RBM48: variants seen among roughly 807,000 people sequenced by gnomAD.
RBM48 encodes the protein RNA binding motif protein 48, also known as RNA-binding protein 48.
Under a neutral mutation model 34.8 loss-of-function variants are expected in RBM48, and 32 were observed. That is an observed-to-expected ratio of 0.92 (90% CI 0.69 to 1.23). The LOEUF (loss-of-function observed/expected upper bound fraction) is 1.23, where lower values mean the gene tolerates loss of function less well. Ranked by LOEUF, RBM48 falls within the 50% of genes most tolerant of loss-of-function variation. RBM48 has a pLI of 0.00. For synonymous variants in RBM48, 151 were observed against 156.2 expected (o/e 0.97, Z 0.25); for missense variants, 441 against 447.2 (o/e 0.99, Z 0.12).
chr7:92,535,625 C>A (rs1174814415), intron 4 of RBM48: 5 of 984,974 alleles, frequency 5.1e-6, no homozygotes, highest in Non-Finnish European at 6.0e-6. Context: ...ACTACTGTTA[C>A]AAATCATAAA....
intron 2 of RBM48, among the ~76,000 whole-genome samples, 178 bp downstream of exon 2, chr7:92,529,844 C>G (rs553423606): frequency 6.6e-6 from 1 of 152,118 alleles, no homozygotes; most frequent in Non-Finnish European, 1.5e-5. Context: ...TCACATCATT[C>G]CCATGCTTAA....
chr7:92,533,987 A>C (rs1472690399), intron 3 of RBM48, among the ~76,000 whole-genome samples: 5 of 150,732 alleles, frequency 3.3e-5, no homozygotes, highest in African/African-American at 7.2e-5. Context: ...AAAAAAAAAA[A>C]AACCTTTCTA....
chr7:92,529,534 G>C lies in RBM48; in HGVS notation c.170G>C (p.Gly57Ala). 1 of 1,611,332 alleles carries C rather than the reference G, an allele frequency of 6.2e-7. No individual in the cohort carries two copies. The highest frequency in any genetic ancestry group is 1.1e-5 in the South Asian group (1 of 90,938). The change falls in exon 2 of 5, where the codon GGA becomes GCA. Residue 57 changes from glycine to alanine, a missense_variant. Physicochemically the swap from Gly to Ala is moderately conservative, Grantham distance 60. Coordinates refer to ENST00000265732, the MANE Select transcript of RBM48 (RefSeq NM_032120.4). ...TTAATACAAGGAGTTCCTGCTGTGG[G>C]AGTCATGAAGGAATTAGTTGAGCGA... ...YLLIQGVPAV[G>A]VMKELVERFA...
chr7:92,535,702 T>G, intron 4 of RBM48: 1 of 984,786 alleles, frequency 1.0e-6, no homozygotes, highest in Non-Finnish European at 1.2e-6. Flanking sequence ...ATAGTTTTAC[T>G]CATATTTTAC....
In RBM48 at chr7:92,536,936, A is replaced by G; in HGVS notation, c.1103A>G (p.Ter368TrpextTer34). 6.3e-7 allele frequency: 1 copy of G among 1,591,644 alleles called. No homozygotes were observed. Among genetic ancestry groups the G allele is most frequent in the Non-Finnish European group, 8.6e-7 (1 of 1,169,578 alleles). ...SHPLKQRRRI[*>W] Reference sequence around the variant, plus strand: ...CCATTAAAACAAAGAAGAAGAATATAGAGTGCCAGCAGCAACTTAGTATTT... The same window carrying G: ...CCATTAAAACAAAGAAGAAGAATATGGAGTGCCAGCAGCAACTTAGTATTT... The change falls in exon 5 of 5, where the codon TAG becomes TGG. Residue 368 changes from the stop codon to tryptophan (W), a stop_lost. Transcript: ENST00000265732.
chr7:92,536,562 T>C lies in RBM48; in HGVS notation c.1018-289T>C, dbSNP rs1793716780. 3 of 1,032,080 alleles carry C rather than the reference T, an allele frequency of 2.9e-6. No individual in the cohort carries two copies. In the African/African-American group the frequency reaches 5.1e-5, roughly 17 times the overall value. The allele number at this position is 1,032,080 out of a possible 1,614,324, so 63.9% of individuals were successfully genotyped here. ...CTATCTGAATCCGTAATATAACAAG[T>C]GTCTTTAGATCTATAAAGGAATGTT... On this transcript the variant is annotated intron_variant, in intron 4 of 4. Transcript: ENST00000265732.
intron 3 of RBM48, among the ~76,000 whole-genome samples, chr7:92,533,280 G>C (rs1362600981): frequency 1.3e-5 from 2 of 152,200 alleles, no homozygotes; most frequent in African/African-American, 4.8e-5. Context: ...AAACTTGTAT[G>C]TTTGTGTGGC....
In RBM48 at chr7:92,537,012, A is replaced by G. The variant is rs1793733244; in HGVS notation, c.*75A>G. ...TTTTAGCCTGTCATTTTAATTCTTC[A>G]AGAGATTTTACTGCTGGTATTTTTT... On this transcript the variant is annotated 3_prime_UTR_variant, in exon 5 of 5. Coordinates refer to ENST00000265732, the MANE Select transcript of RBM48 (RefSeq NM_032120.4). The G allele has an allele frequency of 9.1e-7, 1 of 1,103,804 alleles. No homozygotes were observed. Among genetic ancestry groups the G allele is most frequent in the South Asian group, 1.6e-5 (1 of 63,786 alleles). The allele number at this position is 1,103,804 out of a possible 1,614,324, so 68.4% of individuals were successfully genotyped here. A position where few individuals can be genotyped will look rare whatever the true frequency, so the allele number is the denominator to read the frequency against.
Position 92,536,794 on chromosome 7 carries a change from A to T in RBM48, c.1018-57A>T. 5.3e-6 allele frequency: 8 copies of T among 1,510,710 alleles called. No homozygotes were observed. The South Asian group carries it at 7.9e-5, about 15-fold the overall frequency. The allele number at this position is 1,510,710 out of a possible 1,614,324, so 93.6% of individuals were successfully genotyped here. ...GTAGTCTTACCTCTTCTAATAGCTT[A>T]TTTACTCCTGTGCTATAGAAACTAA... On this transcript the variant is annotated intron_variant, in intron 4 of 4. Transcript: ENST00000265732.
At chr7:92,534,194 G>GAAA in intron 3 of RBM48, 2 of 662,726 alleles carry the variant, frequency 3.0e-6, no homozygotes, top group Non-Finnish European at 2.5e-6. Context: ...GGAGAGCAAG[G>GAAA]AAAGGGTGAC....
chr7:92,535,501 A>G, intron 4 of RBM48: 1 of 986,894 alleles, frequency 1.0e-6, no homozygotes, highest in Non-Finnish European at 1.2e-6. Context: ...TGTGCTGCCT[A>G]GGTAGTCTGT....
intron 3 of RBM48, 172 bp from the exon 4 acceptor site, chr7:92,534,230 C>A: frequency 2.1e-6 from 2 of 948,404 alleles, no homozygotes; most frequent in Non-Finnish European, 1.6e-6. Context: ...TCTTTTTATC[C>A]GTTTTAGGTT....
chr7:92,536,645 T>G, intron 4 of RBM48: 1 of 1,196,950 alleles, frequency 8.4e-7, no homozygotes, highest in African/African-American at 1.6e-5. Context: ...TTAAATAGCT[T>G]TAGAAATTTT....
At position 92,533,667 on chromosome 7, in the gene RBM48, G is replaced by A. The variant is rs561426151; in HGVS notation, c.449-735G>A. 8.3e-4 allele frequency among the ~76,000 whole-genome samples: 127 copies of A among 152,198 alleles called. 6 individuals carry two copies. In the South Asian group the frequency reaches 0.026, roughly 31 times the overall value. On this transcript the variant is annotated intron_variant, in intron 3 of 4. Coordinates refer to ENST00000265732, the MANE Select transcript of RBM48 (RefSeq NM_032120.4). The stretch of plus-strand genomic sequence containing the variant: ...GCCTCTACAAGATGCATTTGTATAC[G>A]TGGTCTTACTTTTCAAAAACTCTTA...
intron 2 of RBM48, among the ~76,000 whole-genome samples, chr7:92,530,760 A>G (rs1019282206): frequency 6.6e-6 from 1 of 150,458 alleles, no homozygotes; most frequent in Non-Finnish European, 1.5e-5. Context: ...AGATCATGCC[A>G]TTGCACTCCA....
chr7:92,536,261 G>A, intron 4 of RBM48: 1 of 983,098 alleles, frequency 1.0e-6, no homozygotes, highest in African/African-American at 1.7e-5. Flanking sequence ...AACGTGTGAA[G>A]TCCAAATTCT....
rs1176771611 is a variant in RBM48 at position 92,539,344 on chromosome 7, A to G, written c.*2407A>G. 6.6e-6 allele frequency among the ~76,000 whole-genome samples: 1 copy of G among 152,262 alleles called. No homozygotes were observed. The highest frequency in any genetic ancestry group is 2.4e-5 in the African/African-American group (1 of 41,474). The stretch of plus-strand genomic sequence containing the variant: ...AAACTACAGGGAGACAAATAAATTA[A>G]AGAGATGAGTTGAGGTGGATAAGGA... On this transcript the variant is annotated 3_prime_UTR_variant, in exon 5 of 5. Transcript: ENST00000265732.
intron 3 of RBM48, among the ~76,000 whole-genome samples, chr7:92,533,885 C>A (rs1453518926): frequency 7.0e-6 from 1 of 143,366 alleles, no homozygotes; most frequent in Non-Finnish European, 1.5e-5. Flanking sequence ...AGAAGTGCGA[C>A]AAGCATATTG....
Position 92,528,852 on chromosome 7 carries a change from T to C in RBM48, c.39T>C (p.Asp13=). Residue 13 remains aspartate (D), a synonymous_variant, in exon 1 of 5, where the codon GAT becomes GAC. Transcript: ENST00000265732. ...GCGGGGAGCTAGGGAGTTTATTTGA[T>C]CACCACGTCCAGAGGGCGGTATGCG... The part of the protein sequence containing the change: ...SSGGELGSLF[D]HHVQRAVCDT... The C allele has an allele frequency of 6.2e-7, 1 of 1,614,076 alleles. No individual in the cohort carries two copies. The highest frequency in any genetic ancestry group is 8.5e-7 in the Non-Finnish European group (1 of 1,180,006).
Sources: gnomAD v4.1 joint callset for allele counts (sites outside exome capture counted in the v4.1 genomes callset) on GRCh38, gnomAD v4.1.1 for gene constraint, MANE v1.5 for transcripts, NCBI Gene and HGNC (gene_info 2026-07-23, HGNC 2026-07-21) for gene names.